Variants in DNAJC13 observed in about 807,000 individuals in gnomAD.
DNAJC13 encodes dnaJ homolog subfamily C member 13.
DNAJC13 carries 75 observed loss-of-function variants against 290.5 expected under a neutral mutation model. The ratio of observed to expected loss-of-function variants is 0.26; its 90% confidence interval spans 0.21 to 0.31. The LOEUF (loss-of-function observed/expected upper bound fraction) is 0.31, where lower values mean the gene tolerates loss of function less well. DNAJC13 is among the 10% of genes least tolerant of loss of function. The pLI is 1.00. For synonymous variants in DNAJC13, 862 were observed against 892.0 expected, an observed-to-expected ratio of 0.97 and a Z score of 0.60; for missense variants, 2,260 against 2,674.5, an observed-to-expected ratio of 0.85 and a Z score of 3.42.
intron 43 of DNAJC13, among the ~76,000 whole-genome samples, chr3:132,508,206 T>G (rs1280397588): frequency 6.6e-6 from 1 of 152,120 alleles, no homozygotes; most frequent in African/African-American, 2.4e-5. Flanking sequence ...AGAAGAAAAG[T>G]TTGAAGCTAG....
chr3:132,423,720 G>T (rs997890092), intron 1 of DNAJC13, among the ~76,000 whole-genome samples: 14 of 152,186 alleles, frequency 9.2e-5, no homozygotes, highest in African/African-American at 3.1e-4. Context: ...GAGTGAAGGG[G>T]AAATTGTAGC....
intron 13 of DNAJC13, among the ~76,000 whole-genome samples, chr3:132,459,946 T>C (rs925417049): frequency 1.3e-5 from 2 of 152,214 alleles, no homozygotes; most frequent in African/African-American, 4.8e-5. Flanking sequence ...ATTTCAAATT[T>C]TAGTTATAAA....
Position 132,463,689 on chromosome 3 carries a change from T to C in DNAJC13, c.1771-7T>C, listed in dbSNP as rs1317573487. 1.2e-6 allele frequency: 2 copies of C among 1,611,632 alleles called. No individual in the cohort carries two copies. Among genetic ancestry groups the C allele is most frequent in the African/African-American group, 1.3e-5 (1 of 74,842 alleles). On this transcript the variant is annotated splice_region_variant and splice_polypyrimidine_tract_variant and intron_variant, in intron 16 of 55. Coordinates refer to ENST00000260818, the MANE Select transcript of DNAJC13 (RefSeq NM_015268.4). ...ACCTTAGGGATCATCTTACCCTTTT[T>C]CCAAAGGAAGGTGATAAAGAAATTG...
intron 43 of DNAJC13, among the ~76,000 whole-genome samples, chr3:132,509,859 T>C (rs990288489): frequency 2.0e-5 from 3 of 152,076 alleles, no homozygotes; most frequent in Non-Finnish European, 4.4e-5. Context: ...CACAGTATAA[T>C]GTAAAAATAA....
chr3:132,494,400 A>G, intron 34 of DNAJC13, 141 bp downstream of exon 34: 3 of 682,422 alleles, frequency 4.4e-6, no homozygotes, highest in South Asian at 3.6e-5. Context: ...ACCATATGGA[A>G]CTATATCTGT....
At chr3:132,467,025 T>C in intron 19 of DNAJC13, 145 bp from the exon 20 acceptor site, 2 of 907,266 alleles carry the variant, frequency 2.2e-6, no homozygotes, top group South Asian at 5.9e-5. Context: ...AAAAGTATAA[T>C]TGTAGAAGTT....
intron 21 of DNAJC13, 60 bp downstream of exon 21, chr3:132,473,287 A>G: frequency 3.5e-6 from 4 of 1,149,512 alleles, no homozygotes; most frequent in Non-Finnish European, 5.1e-6. Context: ...GAGAGGCATC[A>G]TGACACGTTC....
Position 132,511,095 on chromosome 3 carries a change from T to G in DNAJC13, c.5144T>G (p.Leu1715Trp). 6.2e-7 allele frequency: 1 copy of G among 1,613,808 alleles called. No homozygotes were observed. The highest frequency in any genetic ancestry group is 8.5e-7 in the Non-Finnish European group (1 of 1,179,788). The change falls in exon 44 of 56, where the codon TTG becomes TGG. Residue 1715 changes from leucine (L) to tryptophan (W), a missense_variant. Leu to Trp is a moderately conservative substitution (Grantham distance 61). Coordinates refer to ENST00000260818, the MANE Select transcript of DNAJC13 (RefSeq NM_015268.4). The stretch of plus-strand genomic sequence containing the variant: ...CCAAAAGCATTTGCTGCAAGTCTCT[T>G]GGATTATATAGGCTCGCAGGCCCAA... ...EVPKAFAASLLDYIGSQAQYL... is the reference protein window; with the variant it reads ...EVPKAFAASLWDYIGSQAQYL...
At chr3:132,533,413 G>A (rs1294900507) in intron 55 of DNAJC13, among the ~76,000 whole-genome samples, 1 of 139,466 alleles carries the variant, frequency 7.2e-6, no homozygotes, top group Non-Finnish European at 1.5e-5. Flanking sequence ...TCAGCTCACC[G>A]CAACCTTTGC....
intron 55 of DNAJC13, among the ~76,000 whole-genome samples, chr3:132,532,712 T>C: frequency 1.1e-5 from 1 of 93,926 alleles, no homozygotes; most frequent in Non-Finnish European, 1.9e-5. Context: ...GATGGTATGA[T>C]TGAAAAAAAA....
rs996667937 is a variant in DNAJC13, at chr3:132,499,252, A to G, written c.4283A>G (p.His1428Arg). The G allele has an allele frequency of 1.9e-5, 30 of 1,614,030 alleles. No homozygotes were observed. The highest frequency in any genetic ancestry group is 2.7e-5 in the African/African-American group (2 of 74,934). Reference sequence around the variant, plus strand: ...CCTGCGGCTACAGAGCTAGCTTTCCATACTGTCAACTGTTCAGCCCTCAAT... The same window carrying G: ...CCTGCGGCTACAGAGCTAGCTTTCCGTACTGTCAACTGTTCAGCCCTCAAT... ...LLPAATELAF[H>R]TVNCSALNAE... Residue 1428 changes from histidine (H) to arginine (R), a missense_variant, in exon 37 of 56, where the codon CAT (histidine) becomes CGT (arginine). Around this residue, in one of 3 missense-constraint regions of DNAJC13, gnomAD observed 1,494 missense variants for 1,693.7 expected, o/e 0.88. Coordinates refer to ENST00000260818, the MANE Select transcript of DNAJC13 (RefSeq NM_015268.4).
At chr3:132,437,166 A>G (rs1939406192) in intron 2 of DNAJC13, among the ~76,000 whole-genome samples, 1 of 152,212 alleles carries the variant, frequency 6.6e-6, no homozygotes, top group African/African-American at 2.4e-5. Flanking sequence ...GGTGTGAGCC[A>G]CTGCGCTCAG....
At chr3:132,492,813 A>G (rs1935107062) in intron 33 of DNAJC13, among the ~76,000 whole-genome samples, 198 bp downstream of exon 33, 1 of 152,076 alleles carries the variant, frequency 6.6e-6, no homozygotes, top group Non-Finnish European at 1.5e-5. Flanking sequence ...TTTTTAAGGG[A>G]GTATTAAGAG....
At chr3:132,440,732 A>G (rs1933037977) in intron 2 of DNAJC13, among the ~76,000 whole-genome samples, 1 of 152,254 alleles carries the variant, frequency 6.6e-6, no homozygotes, top group Admixed American at 6.5e-5. Flanking sequence ...TGATAGTCAC[A>G]TAATGATGAA....
rs1401049138 is a variant in DNAJC13 at position 132,483,619 on chromosome 3, T to C, written c.3182+42T>C. 5.2e-5 allele frequency: 82 copies of C among 1,563,160 alleles called. 1 individual carries two copies. Among genetic ancestry groups the C allele is most frequent in the Non-Finnish European group, 7.2e-5 (82 of 1,134,368 alleles). The stretch of plus-strand genomic sequence containing the variant: ...TGTTTCCATGGTTAATTGATATGCT[T>C]CCTTAGTAACAGCATAGAATCGGTC... On this transcript the variant is annotated intron_variant, in intron 28 of 55. Coordinates refer to ENST00000260818, the MANE Select transcript of DNAJC13 (RefSeq NM_015268.4).
intron 53 of DNAJC13, among the ~76,000 whole-genome samples, chr3:132,527,458 C>G (rs927455560): frequency 3.9e-5 from 6 of 152,130 alleles, no homozygotes; most frequent in East Asian, 1.9e-4. Context: ...ACTGGATGCT[C>G]TAAGGTTCAG....
At chr3:132,454,977 G>A (rs1156320244) in intron 9 of DNAJC13, among the ~76,000 whole-genome samples, 3 of 152,030 alleles carry the variant, frequency 2.0e-5, no homozygotes, top group African/African-American at 7.2e-5. Context: ...GTTAAGAAAA[G>A]ATTTCCCAGA....
At chr3:132,447,126 G>T (rs1933271821) in intron 3 of DNAJC13, among the ~76,000 whole-genome samples, 195 bp from the exon 4 acceptor site, 2 of 151,746 alleles carry the variant, frequency 1.3e-5, no homozygotes, top group Admixed American at 6.6e-5. Flanking sequence ...ATTAAAATAG[G>T]AATACATATT....
At chr3:132,467,836 T>C (rs1934055000) in intron 20 of DNAJC13, among the ~76,000 whole-genome samples, 1 of 152,190 alleles carries the variant, frequency 6.6e-6, no homozygotes. Flanking sequence ...GAGTTGATGA[T>C]TAGGTTTTTA....
Sources: allele counts gnomAD v4.1 joint callset (sites outside exome capture counted in the v4.1 genomes callset), GRCh38; gene constraint gnomAD v4.1.1; regional missense constraint gnomAD v4.1.1; transcripts MANE v1.5; gene names NCBI Gene and HGNC (gene_info 2026-07-23, HGNC 2026-07-21).